The following GRIK4 variants were observed in gnomAD, a reference collection of about 807,000 sequenced individuals.
GRIK4 encodes the protein glutamate receptor ionotropic, kainate 4.
GRIK4 carries 40 observed loss-of-function variants against 104.9 expected under a neutral mutation model. That is an observed-to-expected ratio of 0.38 (90% CI 0.30 to 0.50). The LOEUF (loss-of-function observed/expected upper bound fraction) is 0.50. Among genes scored for constraint, GRIK4 ranks in the 20% least tolerant of loss-of-function variants. The probability of loss-of-function intolerance (pLI) is 0.93; values close to 1 mark genes in which losing one functional copy is unlikely to be tolerated. For synonymous variants in GRIK4, 485 were observed against 524.9 expected (o/e 0.92, Z 1.04); for missense variants, 1,047 against 1,308.1 (o/e 0.80, Z 3.08).
intron 1 of GRIK4, chr11:120,515,021 G>A (rs899396505): frequency 1.8e-5 from 8 of 456,606 alleles, no homozygotes; most frequent in Non-Finnish European, 3.1e-5. Flanking sequence ...TGTCTCAGCA[G>A]CCGTCAGTGG....
chr11:120,886,021 A>C (rs763739468), intron 11 of GRIK4, among the ~76,000 whole-genome samples: 28 of 152,352 alleles, frequency 1.8e-4, no homozygotes, highest in Non-Finnish European at 3.7e-4. Flanking sequence ...AAGTCTGGGC[A>C]GGTCTTGGCA....
intron 1 of GRIK4, among the ~76,000 whole-genome samples, chr11:120,600,508 TTC>T (rs911444104): frequency 6.6e-6 from 1 of 152,172 alleles, no homozygotes; most frequent in Non-Finnish European, 1.5e-5. Flanking sequence ...CTGGTTTTTG[TTC>T]TGCTCTTTGA....
intron 4 of GRIK4, among the ~76,000 whole-genome samples, chr11:120,814,190 G>T (rs1952884946): frequency 6.6e-6 from 1 of 152,168 alleles, no homozygotes; most frequent in Admixed American, 6.5e-5. Context: ...TCTTCAAGAG[G>T]TTTGAAATCT....
chr11:120,951,291 G>A (rs753607525), intron 14 of GRIK4, among the ~76,000 whole-genome samples: 3 of 152,212 alleles, frequency 2.0e-5, no homozygotes, highest in Non-Finnish European at 4.4e-5. Context: ...CAACAGGAGC[G>A]TGCAGAACTG....
chr11:120,765,747 C>T (rs1372551246), intron 3 of GRIK4, among the ~76,000 whole-genome samples: 3 of 152,202 alleles, frequency 2.0e-5, no homozygotes, highest in African/African-American at 7.2e-5. Context: ...GAGGTCCATT[C>T]AAGACCCTGT....
chr11:120,952,801 A>G lies in GRIK4; in HGVS notation c.1591-54A>G. The G allele has an allele frequency of 8.0e-7, 1 of 1,252,920 alleles. No homozygotes were observed. 77.6% of individuals were successfully genotyped at this position (1,252,920 alleles called of 1,614,324 possible). On this transcript the variant is annotated intron_variant, in intron 14 of 20. Transcript: ENST00000527524. The surrounding 1 kb of genome is among the most constrained non-coding windows in gnomAD (Gnocchi z 5.2). ...CCTCTACCCCGCCCTGCCTGCCCCA[A>G]GGTCATGTTGACTGAATATGTGCGG...
At chr11:120,627,352 G>A (rs1949274292) in intron 1 of GRIK4, among the ~76,000 whole-genome samples, 1 of 152,218 alleles carries the variant, frequency 6.6e-6, no homozygotes, top group Non-Finnish European at 1.5e-5. Flanking sequence ...AGTGCAAGGA[G>A]AGCACCAGGC....
chr11:120,708,049 G>A (rs780439385), intron 3 of GRIK4, among the ~76,000 whole-genome samples: 2 of 152,168 alleles, frequency 1.3e-5, no homozygotes, highest in Non-Finnish European at 2.9e-5. Flanking sequence ...TGGGAGGAAT[G>A]CCAGAGACAC....
In GRIK4 at chr11:120,986,742, TTCC is replaced by T. The variant is rs1160251589; in HGVS notation, c.*488_*490del. On this transcript the variant is annotated 3_prime_UTR_variant, in exon 21 of 21. Transcript: ENST00000527524. ...TTGTTAATGTTCTTTTCCCTTTTCT[TTCC>T]TCCTCTCCTTTTCTTCTTTGTCATC... 3 of 152,652 alleles carry T rather than the reference TTCC, an allele frequency of 2.0e-5. No homozygotes were observed. The highest frequency in any genetic ancestry group is 4.4e-5 in the Non-Finnish European group (3 of 68,352). 9.5% of individuals were successfully genotyped at this position (152,652 alleles called of 1,614,324 possible).
chr11:120,740,305 GT>G (rs1951304805), intron 3 of GRIK4, among the ~76,000 whole-genome samples: 1 of 152,228 alleles, frequency 6.6e-6, no homozygotes, highest in Non-Finnish European at 1.5e-5. Context: ...TGCTGTTGAT[GT>G]GAAAACCAGC....
rs779649911 is a variant in GRIK4, at chr11:120,940,492, A to G, written c.1590+32A>G. On this transcript the variant is annotated intron_variant, in intron 14 of 20. Transcript: ENST00000527524. The surrounding 1 kb of genome is among the most constrained non-coding windows in gnomAD (Gnocchi z 4.3). The stretch of plus-strand genomic sequence containing the variant: ...GACTTATTTTATAAGCATTTATGTC[A>G]TTAAAGTTATTTGCATGCAAACACT... 8.3e-7 allele frequency: 1 copy of G among 1,208,624 alleles called. No homozygotes were observed. Among genetic ancestry groups the G allele is most frequent in the Admixed American group, 1.8e-5 (1 of 56,546 alleles). 74.9% of individuals were successfully genotyped at this position (1,208,624 alleles called of 1,614,324 possible). A position where few individuals can be genotyped will look rare whatever the true frequency, so the allele number is the denominator to read the frequency against.
At chr11:120,862,975 A>T (rs890321964) in intron 9 of GRIK4, among the ~76,000 whole-genome samples, 1 of 152,132 alleles carries the variant, frequency 6.6e-6, no homozygotes, top group Non-Finnish European at 1.5e-5. Context: ...AGATGATAAA[A>T]CCGAAGCCCA....
intron 1 of GRIK4, among the ~76,000 whole-genome samples, chr11:120,620,954 C>A (rs917979141): frequency 2.0e-5 from 3 of 152,184 alleles, no homozygotes; most frequent in Non-Finnish European, 2.9e-5. Context: ...AAGTCACTTG[C>A]CCACGATCAT....
chr11:120,699,134 T>C (rs61901362), intron 3 of GRIK4, among the ~76,000 whole-genome samples: 20,497 of 152,194 alleles, frequency 0.13, 1,522 homozygotes, highest in South Asian at 0.22. Flanking sequence ...CTGCTTCAGT[T>C]CATCACAGCT....
At chr11:120,973,050 T>A (rs1944501869) in intron 19 of GRIK4, among the ~76,000 whole-genome samples, 1 of 151,660 alleles carries the variant, frequency 6.6e-6, no homozygotes. Context: ...CTGAAATACA[T>A]CCCGGGAAGA....
In GRIK4 at chr11:120,597,265, T is replaced by C. The variant is rs116334491; in HGVS notation, c.-158-56420T>C. ...TTCCAATCTGGTTCTGCTCCTTACC[T>C]GCTGGGTGACGGGGCAAGTGCCTTC... On this transcript the variant is annotated intron_variant, in intron 1 of 20. Coordinates refer to ENST00000527524, the MANE Select transcript of GRIK4 (RefSeq NM_014619.5). Among the ~76,000 whole-genome samples the C allele has an allele frequency of 6.7e-3, 1,017 of 152,320 alleles. 17 individuals carry two copies. Among genetic ancestry groups the C allele is most frequent in the African/African-American group, 0.023 (938 of 41,570 alleles).
chr11:120,885,557 TG>T lies in GRIK4; in HGVS notation c.1164+10315del, dbSNP rs761964811. Among the ~76,000 whole-genome samples, 11 of 152,146 alleles carry T rather than the reference TG, an allele frequency of 7.2e-5. 1 individual carries two copies. Among genetic ancestry groups the T allele is most frequent in the Non-Finnish European group, 1.5e-4 (10 of 68,028 alleles). ...CCTACCACCACGGCTGGCTAATTTT[TG>T]TATTTTAGTAGAGATGGGGTTTTGC... On this transcript the variant is annotated intron_variant, in intron 11 of 20. Coordinates refer to ENST00000527524, the MANE Select transcript of GRIK4 (RefSeq NM_014619.5).
At chr11:120,900,136 A>C (rs916936008) in intron 12 of GRIK4, among the ~76,000 whole-genome samples, 4 of 152,202 alleles carry the variant, frequency 2.6e-5, no homozygotes, top group African/African-American at 7.2e-5. Flanking sequence ...TCAGGAAAGA[A>C]GGGGCATTGA....
chr11:120,777,065 T>G (rs1451507880), intron 3 of GRIK4, among the ~76,000 whole-genome samples: 1 of 152,140 alleles, frequency 6.6e-6, no homozygotes, highest in Non-Finnish European at 1.5e-5. Context: ...CAGGAACCTG[T>G]GCTGCTCGGG....
Sources: allele counts gnomAD v4.1 joint callset (sites outside exome capture counted in the v4.1 genomes callset), GRCh38; gene constraint gnomAD v4.1.1; non-coding constraint Gnocchi (gnomAD v3.1); transcripts MANE v1.5; gene names NCBI Gene and HGNC (gene_info 2026-07-23, HGNC 2026-07-21).